Variants in XKR4 observed in about 807,000 individuals in gnomAD.
XKR4 encodes the protein XK related 4.
A neutral mutation model predicts 53.9 loss-of-function variants in XKR4; 12 were observed. The observed-to-expected ratio is 0.22, with a 90% CI of 0.14 to 0.36. The LOEUF is 0.36. Among genes scored for constraint, XKR4 ranks in the 10% least tolerant of loss-of-function variants. The pLI, the probability that XKR4 is intolerant of heterozygous loss-of-function variation, is 1.00. For synonymous variants in XKR4, 354 were observed against 362.4 expected, an observed-to-expected ratio of 0.98 and a Z score of 0.26; for missense variants, 799 against 859.5, an observed-to-expected ratio of 0.93 and a Z score of 0.88.
chr8:55,153,463 G>C (rs1383626127), intron 1 of XKR4, among the ~76,000 whole-genome samples: 4 of 152,164 alleles, frequency 2.6e-5, no homozygotes, highest in Non-Finnish European at 5.9e-5. Context: ...CAGCCTGCCA[G>C]AGAAAAGAAG....
At chr8:55,451,564 AGTACT>A in intron 2 of XKR4, 3 of 1,136,078 alleles carry the variant, frequency 2.6e-6, no homozygotes, top group Middle Eastern at 2.4e-4. Flanking sequence ...AGAATGCAGC[AGTACT>A]GCCTTGGACC....
At chr8:55,179,777 G>C (rs918724444) in intron 1 of XKR4, among the ~76,000 whole-genome samples, 7 of 152,132 alleles carry the variant, frequency 4.6e-5, no homozygotes, top group Admixed American at 3.3e-4. Flanking sequence ...ACTGTGACTG[G>C]CATAATGGAA....
intron 2 of XKR4, among the ~76,000 whole-genome samples, chr8:55,436,263 A>AT (rs977033946): frequency 6.6e-6 from 1 of 152,214 alleles, no homozygotes; most frequent in Non-Finnish European, 1.5e-5. Flanking sequence ...CAATGACAAT[A>AT]TTTAGCCAAC....
chr8:55,353,352 GAC>G (rs1803753172), intron 1 of XKR4, among the ~76,000 whole-genome samples: 2 of 152,260 alleles, frequency 1.3e-5, no homozygotes, highest in African/African-American at 4.8e-5. Flanking sequence ...CACAGAAACA[GAC>G]ACACACACAG....
chr8:55,227,163 C>A (rs954601224), intron 1 of XKR4, among the ~76,000 whole-genome samples: 2 of 152,204 alleles, frequency 1.3e-5, no homozygotes, highest in African/African-American at 4.8e-5. Context: ...TGTTGGTTTT[C>A]TCATCTGCGT....
intron 1 of XKR4, among the ~76,000 whole-genome samples, chr8:55,136,386 C>G (rs906429998): frequency 6.6e-6 from 1 of 152,194 alleles, no homozygotes; most frequent in Non-Finnish European, 1.5e-5. Flanking sequence ...CAAGTATTTC[C>G]TCAGTTTCAT....
chr8:55,343,129 T>C (rs529776340), intron 1 of XKR4, among the ~76,000 whole-genome samples: 67 of 152,318 alleles, frequency 4.4e-4, no homozygotes, highest in Non-Finnish European at 6.2e-4. Context: ...TGCTGCTAGA[T>C]GCTTTGTATG....
rs559967221 is a variant in XKR4, at chr8:55,449,410, A to G, written c.1007-73871A>G. 2.3e-5 allele frequency: 15 copies of G among 650,902 alleles called. 1 individual carries two copies. Among genetic ancestry groups the G allele is most frequent in the Admixed American group, 1.0e-4 (4 of 39,366 alleles). 40.3% of individuals were successfully genotyped at this position (650,902 alleles called of 1,614,324 possible). A position where few individuals can be genotyped will look rare whatever the true frequency, so the allele number is the denominator to read the frequency against. Reference sequence around the variant, plus strand: ...GGGGCTCGGGGCCTCACTACTGCCGAGGGCCGGGCCGGGGCTGTAAACATG... The same window carrying G: ...GGGGCTCGGGGCCTCACTACTGCCGGGGGCCGGGCCGGGGCTGTAAACATG... On this transcript the variant is annotated intron_variant, in intron 2 of 2. Transcript: ENST00000327381.
At chr8:55,308,090 TA>T (rs1819331224) in intron 1 of XKR4, among the ~76,000 whole-genome samples, 1 of 151,842 alleles carries the variant, frequency 6.6e-6, no homozygotes, top group Non-Finnish European at 1.5e-5. Flanking sequence ...CCGTCTCTAC[TA>T]AAAATACAAA....
chr8:55,406,810 T>A (rs180922920), intron 2 of XKR4, among the ~76,000 whole-genome samples: 48 of 152,316 alleles, frequency 3.2e-4, no homozygotes, highest in Middle Eastern at 3.4e-3. Context: ...GTGTCTACTA[T>A]AGGAAAGAGT....
intron 1 of XKR4, among the ~76,000 whole-genome samples, chr8:55,138,810 T>G (rs1229008663): frequency 6.6e-6 from 1 of 152,160 alleles, no homozygotes; most frequent in African/African-American, 2.4e-5. Context: ...TCACTTTTTA[T>G]TTTTTTGGAG....
rs146586304 is a variant in XKR4 at position 55,347,146 on chromosome 8, A to T, written c.807-10532A>T. 2.0e-3 allele frequency among the ~76,000 whole-genome samples: 311 copies of T among 152,340 alleles called. 3 individuals are homozygous for T. The highest frequency in any genetic ancestry group is 7.9e-3 in the East Asian group (41 of 5,188). ...ATATGTACTAGCTATGTGATCTTTG[A>T]CATACCAGATGTTTGAGATTTCCCT... On this transcript the variant is annotated intron_variant, in intron 1 of 2. Transcript: ENST00000327381.
chr8:55,430,890 T>C (rs1027745968), intron 2 of XKR4, among the ~76,000 whole-genome samples: 4 of 152,174 alleles, frequency 2.6e-5, no homozygotes, highest in Non-Finnish European at 5.9e-5. Flanking sequence ...CTTTAAAGCC[T>C]CAGGCTTCAA....
intron 2 of XKR4, among the ~76,000 whole-genome samples, chr8:55,515,533 G>T (rs1459159546): frequency 6.6e-6 from 1 of 152,146 alleles, no homozygotes; most frequent in African/African-American, 2.4e-5. Context: ...AAACCATTCT[G>T]GCTCTGGATA....
intron 1 of XKR4, among the ~76,000 whole-genome samples, chr8:55,121,654 C>G (rs1431955042): frequency 1.3e-5 from 2 of 152,138 alleles, no homozygotes; most frequent in African/African-American, 4.8e-5. Flanking sequence ...GGTACCAACT[C>G]TCTAGATTCA....
intron 2 of XKR4, among the ~76,000 whole-genome samples, chr8:55,501,754 C>T (rs1031060248): frequency 1.1e-4 from 16 of 151,998 alleles, no homozygotes; most frequent in African/African-American, 3.9e-4. Flanking sequence ...GTTGTTTCCA[C>T]TTTTTGGCTA....
chr8:55,510,803 C>G (rs529951518), intron 2 of XKR4, among the ~76,000 whole-genome samples: 65 of 152,342 alleles, frequency 4.3e-4, no homozygotes, highest in African/African-American at 1.4e-3. Flanking sequence ...CCAGAGACAG[C>G]ATGTAAAGGA....
intron 2 of XKR4, among the ~76,000 whole-genome samples, chr8:55,435,010 A>T (rs906884954): frequency 3.3e-5 from 5 of 152,164 alleles, no homozygotes; most frequent in Non-Finnish European, 7.4e-5. Flanking sequence ...GCCTGCAGTC[A>T]CTTCTGAAAG....
chr8:55,285,965 G>A (rs1220310814), intron 1 of XKR4, among the ~76,000 whole-genome samples: 1 of 152,230 alleles, frequency 6.6e-6, no homozygotes. Context: ...ATTTTCTAAT[G>A]CAGTTGAAAG....
Sources: gnomAD v4.1 joint callset for allele counts (sites outside exome capture counted in the v4.1 genomes callset) on GRCh38, gnomAD v4.1.1 for gene constraint, MANE v1.5 for transcripts, NCBI Gene and HGNC (gene_info 2026-07-23, HGNC 2026-07-21) for gene names.